GLMP: variants seen among roughly 807,000 people sequenced by gnomAD.
GLMP encodes kidney lysosomal membrane protein.
A neutral mutation model predicts 39.2 loss-of-function variants in GLMP; 36 were observed. The observed-to-expected ratio is 0.92, with a 90% CI of 0.70 to 1.21. The LOEUF (loss-of-function observed/expected upper bound fraction) is 1.21. GLMP is among the 50% of genes most tolerant of loss of function. The pLI is 0.00. For synonymous variants in GLMP, 220 were observed against 218.9 expected (o/e 1.01, Z -0.04); for missense variants, 454 against 505.6 (o/e 0.90, Z 0.98).
intron 2 of GLMP, 76 bp downstream of exon 2, chr1:156,294,683 C>T (rs1040358262): frequency 6.4e-7 from 1 of 1,567,218 alleles, no homozygotes; most frequent in African/African-American, 1.4e-5. Flanking sequence ...CACCCCCAGT[C>T]TTTAGTTCCA....
intron 1 of GLMP, 76 bp downstream of exon 1, chr1:156,295,450 T>A (rs2101609098): frequency 7.0e-7 from 1 of 1,427,312 alleles, no homozygotes; most frequent in Non-Finnish European, 9.2e-7. Context: ...CCCTAGCCCC[T>A]GGATGCCCGG....
rs767919956 is a variant in GLMP at position 156,293,578 on chromosome 1, T to G, written c.799-2A>C. 6.2e-6 allele frequency: 10 copies of G among 1,613,986 alleles called. No individual in the cohort carries two copies. Among genetic ancestry groups the G allele is most frequent in the Non-Finnish European group, 8.5e-6 (10 of 1,179,942 alleles). ...GGAGCCCCACAGTAGCTGGTCCAAC[T>G]GGGAAGAAAGGCAAACAAGGGAGGG... is the stretch of plus-strand genomic sequence containing the variant. On this transcript the variant is annotated splice_acceptor_variant, in intron 4 of 5. Transcript: ENST00000362007. LOFTEE classifies it high-confidence loss of function.
In GLMP at chr1:156,294,567, T is replaced by C; in HGVS notation, c.379-2A>G. ...GTTGGTGCTGTCAAACTCAAGCAGCTGGAGGGTGGGGGTAGGGTGGAACTG... is the reference window on the plus strand; with the variant it reads ...GTTGGTGCTGTCAAACTCAAGCAGCCGGAGGGTGGGGGTAGGGTGGAACTG... On this transcript the variant is annotated splice_acceptor_variant, in intron 2 of 5. Transcript: ENST00000362007. LOFTEE classifies it high-confidence loss of function. 1 of 1,614,006 alleles carries C rather than the reference T, an allele frequency of 6.2e-7. No individual in the cohort carries two copies. Among genetic ancestry groups the C allele is most frequent in the Non-Finnish European group, 8.5e-7 (1 of 1,180,002 alleles).
intron 5 of GLMP, 23 bp downstream of exon 5, chr1:156,293,297 C>G (rs1223500276): frequency 6.2e-7 from 1 of 1,613,756 alleles, no homozygotes; most frequent in East Asian, 2.2e-5. Flanking sequence ...CCCCAAGTCC[C>G]CGGCCCAAAC....
chr1:156,293,779 C>T lies in GLMP; in HGVS notation c.799-203G>A, dbSNP rs1475973323. 4 of 1,468,010 alleles carry T rather than the reference C, an allele frequency of 2.7e-6. No homozygotes were observed. The Admixed American group carries it at 7.9e-5, about 29-fold the overall frequency. The allele number at this position is 1,468,010 out of a possible 1,614,324, so 90.9% of individuals were successfully genotyped here. ...TCCAAACCTCCAAGTCTGGACTCAGCCCTCCTCTTGGCCCCTAGCCCCCTT... is the reference window on the plus strand; with the variant it reads ...TCCAAACCTCCAAGTCTGGACTCAGTCCTCCTCTTGGCCCCTAGCCCCCTT... On this transcript the variant is annotated intron_variant, in intron 4 of 5. Transcript: ENST00000362007.
intron 1 of GLMP, 144 bp from the exon 2 acceptor site, chr1:156,295,160 G>C: frequency 1.0e-6 from 1 of 964,970 alleles, no homozygotes. Flanking sequence ...GTGTGCGGGA[G>C]CTGAGGGAAC....
chr1:156,294,951 C>A lies in GLMP; in HGVS notation c.186G>T (p.Val62=). Residue 62 remains valine (V), a synonymous_variant, in exon 2 of 6, where the codon GTG becomes GTT. Transcript: ENST00000362007. ...PLQNLLHIRA[V]GTNSTLHYVW... ...CATAGTGCAGTGTGGAATTGGTGCC[C>A]ACTGCCCGTATATGAAGCAGGTTCT... is the stretch of plus-strand genomic sequence containing the variant. 6.2e-7 allele frequency: 1 copy of A among 1,602,000 alleles called. No individual in the cohort carries two copies. Among genetic ancestry groups the A allele is most frequent in the Non-Finnish European group, 8.5e-7 (1 of 1,171,198 alleles).
intron 4 of GLMP, 190 bp downstream of exon 4, chr1:156,293,828 T>C: frequency 8.3e-7 from 1 of 1,205,374 alleles, no homozygotes; most frequent in Non-Finnish European, 1.2e-6. Context: ...TGCCAGAGTG[T>C]AAGTCATATT....
intron 1 of GLMP, 151 bp from the exon 2 acceptor site, chr1:156,295,167 G>A: frequency 1.0e-6 from 1 of 960,864 alleles, no homozygotes. Flanking sequence ...GGAGCTGAGG[G>A]AACCCTGGGG....
In GLMP at chr1:156,294,574, T is replaced by A; in HGVS notation, c.379-9A>T. ...CTGTCAAACTCAAGCAGCTGGAGGG[T>A]GGGGGTAGGGTGGAACTGGGCTTGC... On this transcript the variant is annotated splice_polypyrimidine_tract_variant and intron_variant, in intron 2 of 5. Coordinates refer to ENST00000362007, the MANE Select transcript of GLMP (RefSeq NM_144580.3). 1 of 1,613,702 alleles carries A rather than the reference T, an allele frequency of 6.2e-7. No homozygotes were observed. The highest frequency in any genetic ancestry group is 8.5e-7 in the Non-Finnish European group (1 of 1,179,884).
At chr1:156,295,044 G>A (rs571588675) in intron 1 of GLMP, 28 bp from the exon 2 acceptor site, 3 of 1,496,020 alleles carry the variant, frequency 2.0e-6, no homozygotes, top group Admixed American at 2.0e-5. Flanking sequence ...GGAGGGTTGA[G>A]GGAACAGGAC....
chr1:156,293,286 TC>T, intron 5 of GLMP, 33 bp downstream of exon 5: 1 of 1,612,810 alleles, frequency 6.2e-7, no homozygotes, highest in Non-Finnish European at 8.5e-7. Flanking sequence ...CCACTTCAAC[TC>T]CCCAAGTCCC....
In GLMP at chr1:156,293,502, C is replaced by T. The variant is rs144757073; in HGVS notation, c.873G>A (p.Pro291=). The T allele has an allele frequency of 1.1e-4, 183 of 1,614,186 alleles. No homozygotes were observed. The African/African-American group carries it at 1.8e-3, about 16-fold the overall frequency. ...QWRPVAYSQK[P]GGRESALPCQ... is the part of the protein sequence containing the mutation. ...AGGGCAGGGCTGATTCTCGGCCCCC[C>T]GGCTTCTGGGAGTAAGCCACTGGTC... The change falls in exon 5 of 6, where the codon CCG becomes CCA. Residue 291 remains proline, a synonymous_variant. Transcript: ENST00000362007.
Position 156,294,112 on chromosome 1 carries a change from C to T in GLMP, c.704G>A (p.Gly235Glu). 1 of 1,614,194 alleles carries T rather than the reference C, an allele frequency of 6.2e-7. No homozygotes were observed. The highest frequency in any genetic ancestry group is 1.3e-5 in the African/African-American group (1 of 75,052). ...ASPRGNRSLF[G>E]LEVATLGQGP... ...CTGGCCCAATGTGGCTACCTCCAGC[C>T]CAAACAGGGAACGGTTTCCCCGGGG... The change falls in exon 4 of 6, where the codon GGG (glycine) becomes GAG (glutamate). Residue 235 changes from glycine to glutamate, a missense_variant. Coordinates refer to ENST00000362007, the MANE Select transcript of GLMP (RefSeq NM_144580.3).
chr1:156,295,054 C>A, intron 1 of GLMP, 38 bp from the exon 2 acceptor site: 1 of 1,428,376 alleles, frequency 7.0e-7, no homozygotes, highest in Non-Finnish European at 9.4e-7. Flanking sequence ...GGGAACAGGA[C>A]CAAGGAGAGA....
Position 156,293,528 on chromosome 1 carries a change from G to A in GLMP, c.847C>T (p.Arg283Ter), listed in dbSNP as rs773403134. The change falls in exon 5 of 6, where the codon CGA becomes TGA. Residue 283 changes from arginine (R) to a stop codon, truncating the protein, a stop_gained. Coordinates refer to ENST00000362007, the MANE Select transcript of GLMP (RefSeq NM_144580.3). LOFTEE classifies it high-confidence loss of function. ...GGCTTCTGGGAGTAAGCCACTGGTC[G>A]CCACTGTGCAAAGCCTGATGGGAGG... Reference protein sequence around the residue: ...GSLPSGFAQWRPVAYSQKPGG... With the variant: ...GSLPSGFAQW The A allele has an allele frequency of 1.2e-5, 20 of 1,614,054 alleles. No individual in the cohort carries two copies. Among genetic ancestry groups the A allele is most frequent in the African/African-American group, 4.0e-5 (3 of 74,922 alleles).
At chr1:156,293,846 C>CT in intron 4 of GLMP, 172 bp downstream of exon 4, 1 of 1,186,854 alleles carries the variant, frequency 8.4e-7, no homozygotes, top group South Asian at 1.3e-5. Context: ...ATTGCACTTT[C>CT]TGTCTGTCTC....
chr1:156,292,867 A>T lies in GLMP; in HGVS notation c.*177T>A. On this transcript the variant is annotated 3_prime_UTR_variant, in exon 6 of 6. Coordinates refer to ENST00000362007, the MANE Select transcript of GLMP (RefSeq NM_144580.3). ...GCCCGCCTCCAAAGTCCCCCAACAA[A>T]GTATGAAGGAAGCCCCACCTGGGGG... The T allele has an allele frequency of 1.3e-6, 1 of 760,042 alleles. No individual in the cohort carries two copies. Among genetic ancestry groups the T allele is most frequent in the South Asian group, 2.0e-5 (1 of 50,468 alleles). The allele number at this position is 760,042 out of a possible 1,614,324, so 47.1% of individuals were successfully genotyped here.
At chr1:156,293,291 A>C in intron 5 of GLMP, 29 bp downstream of exon 5, 1 of 1,613,478 alleles carries the variant, frequency 6.2e-7, no homozygotes, top group Non-Finnish European at 8.5e-7. Context: ...TCAACTCCCC[A>C]AGTCCCCGGC....
Sources: gnomAD v4.1 joint callset for allele counts on GRCh38, gnomAD v4.1.1 for gene constraint, MANE v1.5 for transcripts, NCBI Gene and HGNC (gene_info 2026-07-23, HGNC 2026-07-21) for gene names.